MYBL2: variants seen among roughly 807,000 people sequenced by gnomAD.
MYBL2 encodes MYB proto-oncogene like 2.
A neutral mutation model predicts 79.9 loss-of-function variants in MYBL2; 28 were observed. The ratio of observed to expected loss-of-function variants is 0.35; its 90% CI spans 0.26 to 0.48. The LOEUF is 0.48. MYBL2 is among the 20% of genes least tolerant of loss of function. The pLI is 0.99. For synonymous variants in MYBL2, 378 were observed against 361.2 expected (o/e 1.05, Z -0.53); for missense variants, 735 against 893.9 (o/e 0.82, Z 2.27).
At chr20:43,697,686 G>A (rs1203364631) in intron 6 of MYBL2, among the ~76,000 whole-genome samples, 9 of 152,074 alleles carry the variant, frequency 5.9e-5, no homozygotes, top group Admixed American at 2.0e-4. Flanking sequence ...GGCGGATCAC[G>A]AGGTCAGGAG....
intron 5 of MYBL2, among the ~76,000 whole-genome samples, chr20:43,689,065 A>C (rs926610801): frequency 6.6e-6 from 1 of 152,112 alleles, no homozygotes; most frequent in Non-Finnish European, 1.5e-5. Context: ...TGCTGAGATT[A>C]CAGGTGTGAG....
At position 43,695,731 on chromosome 20, in the gene MYBL2, AACT is replaced by A. The variant is rs919950542; in HGVS notation, c.663+3416_663+3418del. 5.5e-5 allele frequency among the ~76,000 whole-genome samples: 6 copies of A among 108,758 alleles called. No individual in the cohort carries two copies. In the Admixed American group the frequency reaches 6.2e-4, roughly 11 times the overall value. 71.3% of individuals were successfully genotyped at this position (108,758 alleles called of 152,430 possible). On this transcript the variant is annotated intron_variant, in intron 6 of 13. Transcript: ENST00000217026. ...TGCGGTGGCACACACCTGTAGTTCCAACTACTTTGGAGCCTGGGGCAGGAAGTT... is the reference window on the plus strand; with the variant it reads ...TGCGGTGGCACACACCTGTAGTTCCAACTTTGGAGCCTGGGGCAGGAAGTT...
At chr20:43,700,137 G>A (rs768621984) in intron 7 of MYBL2, 93 bp downstream of exon 7, 22 of 1,480,334 alleles carry the variant, frequency 1.5e-5, no homozygotes, top group Admixed American at 3.7e-5. Flanking sequence ...TCATTCCATC[G>A]CCCTGCTAAC....
intron 2 of MYBL2, among the ~76,000 whole-genome samples, chr20:43,674,433 C>G (rs1342352654): frequency 6.7e-6 from 1 of 149,648 alleles, no homozygotes; most frequent in Non-Finnish European, 1.5e-5. Flanking sequence ...GTCACCCAGG[C>G]TGGAGTATAG....
At chr20:43,702,368 A>C in intron 7 of MYBL2, 122 bp from the exon 8 acceptor site, 1 of 1,089,600 alleles carries the variant, frequency 9.2e-7, no homozygotes, top group Non-Finnish European at 1.3e-6. Context: ...AATGCATGAA[A>C]TATTAATGAT....
intron 6 of MYBL2, among the ~76,000 whole-genome samples, chr20:43,693,482 G>A (rs186849028): frequency 2.3e-4 from 35 of 152,124 alleles, no homozygotes; most frequent in African/African-American, 8.4e-4. Flanking sequence ...GGGATTACAG[G>A]TGCACACCAC....
At chr20:43,701,292 A>T (rs1987670001) in intron 7 of MYBL2, among the ~76,000 whole-genome samples, 1 of 152,098 alleles carries the variant, frequency 6.6e-6, no homozygotes, top group Admixed American at 6.6e-5. Flanking sequence ...CTTCTGGTCT[A>T]CCAGACACTG....
At chr20:43,708,221 T>C (rs1183468377) in intron 9 of MYBL2, among the ~76,000 whole-genome samples, 1 of 152,122 alleles carries the variant, frequency 6.6e-6, no homozygotes, top group Non-Finnish European at 1.5e-5. Flanking sequence ...CACCTCAGCC[T>C]TCTAACTAGC....
In MYBL2 at chr20:43,683,032, T is replaced by C. The variant is rs943183540; in HGVS notation, c.279+146T>C. 9.5e-6 allele frequency: 7 copies of C among 739,906 alleles called. No individual in the cohort carries two copies. The East Asian group carries it at 1.6e-4, about 17-fold the overall frequency. The allele number at this position is 739,906 out of a possible 1,614,324, so 45.8% of individuals were successfully genotyped here. ...CTACCAGCCAGTCTGGACACTCTTA[T>C]GCTGCCCTGGCTCCAGCCCTGAGAT... is the stretch of plus-strand genomic sequence containing the variant. On this transcript the variant is annotated intron_variant, in intron 4 of 13. Transcript: ENST00000217026.
chr20:43,696,823 T>A (rs1202017983), intron 6 of MYBL2, among the ~76,000 whole-genome samples: 2 of 152,302 alleles, frequency 1.3e-5, no homozygotes, highest in African/African-American at 4.8e-5. Context: ...GCCTCCCGGG[T>A]TGAAGTGATT....
In MYBL2 at chr20:43,705,138, C is replaced by T. The variant is rs1987751600; in HGVS notation, c.1366-81C>T. 13 of 1,531,188 alleles carry T rather than the reference C, an allele frequency of 8.5e-6. No individual in the cohort carries two copies. The South Asian group carries it at 1.2e-4, about 15-fold the overall frequency. The allele number at this position is 1,531,188 out of a possible 1,614,324, so 94.9% of individuals were successfully genotyped here. ...CGTTTTGGGGGAGAGGCTCAAGGAT[C>T]TCTCCCCATGATCCCCTGAGGTCTC... is the stretch of plus-strand genomic sequence containing the variant. On this transcript the variant is annotated intron_variant, in intron 8 of 13. Transcript: ENST00000217026.
intron 6 of MYBL2, among the ~76,000 whole-genome samples, chr20:43,697,500 G>T (rs996965565): frequency 2.0e-5 from 3 of 151,786 alleles, no homozygotes; most frequent in Non-Finnish European, 4.4e-5. Context: ...AGTCCCAGCT[G>T]CTCAGGAGGC....
In MYBL2 at chr20:43,681,861, T is replaced by C. The variant is rs201552851; in HGVS notation, c.186+6T>C. ...TCCTGGCCAGCCACTTCCCTGTGAG[T>C]ACAGTCCTGCTGTGGCCCTCCCTCG... is the stretch of plus-strand genomic sequence containing the variant. On this transcript the variant is annotated splice_donor_region_variant and intron_variant, in intron 3 of 13. Transcript: ENST00000217026. The C allele has an allele frequency of 6.2e-7, 1 of 1,614,084 alleles. No homozygotes were observed. The highest frequency in any genetic ancestry group is 1.7e-5 in the Admixed American group (1 of 60,012).
chr20:43,684,655 C>A (rs1987224947), intron 4 of MYBL2, among the ~76,000 whole-genome samples: 1 of 151,410 alleles, frequency 6.6e-6, no homozygotes, highest in Non-Finnish European at 1.5e-5. Context: ...GGATTACAGT[C>A]ATGAGCCATG....
At position 43,702,672 on chromosome 20, in the gene MYBL2, C is replaced by T. The variant is rs1987699245; in HGVS notation, c.1134C>T (p.Ile378=). Residue 378 remains isoleucine, a synonymous_variant, in exon 8 of 14, where the codon ATC becomes ATT. Coordinates refer to ENST00000217026, the MANE Select transcript of MYBL2 (RefSeq NM_002466.4). ...AGTACCGCCTGGATGGCCACACCAT[C>T]TCAGACCTGAGCCGGAGCAGCCGGG... The part of the protein sequence containing the change: ...VTEYRLDGHT[I]SDLSRSSRGE... 2.5e-6 allele frequency: 4 copies of T among 1,614,092 alleles called. No individual in the cohort carries two copies. Among genetic ancestry groups the T allele is most frequent in the Non-Finnish European group, 3.4e-6 (4 of 1,179,998 alleles).
chr20:43,675,864 A>G (rs924363070), intron 2 of MYBL2, among the ~76,000 whole-genome samples: 2 of 149,876 alleles, frequency 1.3e-5, no homozygotes, highest in East Asian at 3.9e-4. Flanking sequence ...AGTTTGATGT[A>G]CAGGTTATTT....
At chr20:43,707,394 T>G (rs1987815516) in intron 9 of MYBL2, among the ~76,000 whole-genome samples, 1 of 152,074 alleles carries the variant, frequency 6.6e-6, no homozygotes, top group Non-Finnish European at 1.5e-5. Context: ...GTGGCCTCAT[T>G]TGCTGCCTCC....
At chr20:43,677,601 C>A (rs1192527330) in intron 2 of MYBL2, among the ~76,000 whole-genome samples, 1 of 152,218 alleles carries the variant, frequency 6.6e-6, no homozygotes, top group African/African-American at 2.4e-5. Context: ...AAATGGTTGA[C>A]GGAGATGGCC....
rs114243961 is a variant in MYBL2, at chr20:43,702,413, A to C, written c.952-77A>C. On this transcript the variant is annotated intron_variant, in intron 7 of 13. Transcript: ENST00000217026. The stretch of plus-strand genomic sequence containing the variant: ...GCTGTGGGATCATACTTGACACTTA[A>C]ATATTTCCCGTAATGAATGAGTCCT... 1.2e-3 allele frequency: 1,789 copies of C among 1,458,370 alleles called. 18 individuals are homozygous for C. In the African/African-American group the frequency reaches 0.022, roughly 18 times the overall value. The allele number at this position is 1,458,370 out of a possible 1,614,324, so 90.3% of individuals were successfully genotyped here. A position where few individuals can be genotyped will look rare whatever the true frequency, so the allele number is the denominator to read the frequency against.
Sources: gnomAD v4.1 joint callset for allele counts (sites outside exome capture counted in the v4.1 genomes callset) on GRCh38, gnomAD v4.1.1 for gene constraint, MANE v1.5 for transcripts, NCBI Gene and HGNC (gene_info 2026-07-23, HGNC 2026-07-21) for gene names.